TMCC1: variants seen among roughly 807,000 people sequenced by gnomAD.
TMCC1 encodes the protein transmembrane and coiled-coil domains protein 1.
TMCC1 carries 15 observed loss-of-function variants against 52.4 expected under a neutral mutation model. The observed-to-expected ratio is 0.29, with a 90% CI of 0.19 to 0.44. The LOEUF (loss-of-function observed/expected upper bound fraction) is 0.44. Ranked by LOEUF, TMCC1 falls within the 20% of genes least tolerant of loss-of-function variation. The pLI is 1.00. For synonymous variants in TMCC1, 279 were observed against 301.9 expected (o/e 0.92, Z 0.79); for missense variants, 503 against 806.0 (o/e 0.62, Z 4.55).
At chr3:129,701,829 A>AAAGC (rs1459282352) in intron 4 of TMCC1, among the ~76,000 whole-genome samples, 4 of 152,200 alleles carry the variant, frequency 2.6e-5, no homozygotes, top group African/African-American at 9.6e-5. Context: ...AACATCATAT[A>AAAGC]AAGCCATGAT....
In TMCC1 at chr3:129,817,482, A is replaced by G. The variant is rs1560480168; in HGVS notation, c.576+10321T>C. On this transcript the variant is annotated intron_variant, in intron 4 of 6. Coordinates refer to ENST00000393238, the MANE Select transcript of TMCC1 (RefSeq NM_001017395.5). ...AATAATATCTGTGAACTTTAAGATC[A>G]TGAAATTACCAAATCAAAAAATCTG... 3.3e-5 allele frequency among the ~76,000 whole-genome samples: 5 copies of G among 152,190 alleles called. No homozygotes were observed. In the South Asian group the frequency reaches 1.0e-3, roughly 32 times the overall value.
At chr3:129,785,894 T>C (rs2055981942) in intron 4 of TMCC1, among the ~76,000 whole-genome samples, 1 of 151,856 alleles carries the variant, frequency 6.6e-6, no homozygotes, top group African/African-American at 2.4e-5. Flanking sequence ...GAAGATTAGA[T>C]TTTGAAAGGA....
At chr3:129,654,184 T>C (rs1386951582) in intron 6 of TMCC1, among the ~76,000 whole-genome samples, 1 of 152,254 alleles carries the variant, frequency 6.6e-6, no homozygotes, top group Non-Finnish European at 1.5e-5. Flanking sequence ...TTTCTGGTCC[T>C]GGTTTCCTGG....
At chr3:129,702,568 T>C (rs564809832) in intron 4 of TMCC1, among the ~76,000 whole-genome samples, 3 of 152,338 alleles carry the variant, frequency 2.0e-5, no homozygotes, top group Non-Finnish European at 4.4e-5. Flanking sequence ...TCAGGCTGAA[T>C]GCCATGAATG....
At chr3:129,887,833 G>C (rs1037285732) in intron 1 of TMCC1, among the ~76,000 whole-genome samples, 18 of 152,088 alleles carry the variant, frequency 1.2e-4, no homozygotes, top group Non-Finnish European at 1.6e-4. Context: ...TAAAATACTA[G>C]AAGCTGTCAA....
intron 4 of TMCC1, among the ~76,000 whole-genome samples, chr3:129,794,704 T>A (rs2056703898): frequency 6.6e-6 from 1 of 151,996 alleles, no homozygotes. Flanking sequence ...GCTGTGGTGC[T>A]ACCTGAAACT....
chr3:129,680,214 TAGAC>T (rs775065615), intron 4 of TMCC1, among the ~76,000 whole-genome samples: 41 of 152,210 alleles, frequency 2.7e-4, no homozygotes, highest in Non-Finnish European at 4.3e-4. Context: ...ACTCCTTAGA[TAGAC>T]AGACATTTTC....
At chr3:129,801,739 C>A (rs1207033141) in intron 4 of TMCC1, among the ~76,000 whole-genome samples, 1 of 152,170 alleles carries the variant, frequency 6.6e-6, no homozygotes, top group Non-Finnish European at 1.5e-5. Flanking sequence ...CCGGCCCATG[C>A]CTGTTTTTGC....
chr3:129,842,008 A>G (rs1218834375), intron 2 of TMCC1, among the ~76,000 whole-genome samples: 1 of 152,238 alleles, frequency 6.6e-6, no homozygotes, highest in African/African-American at 2.4e-5. Flanking sequence ...GTATTATAAT[A>G]GGGTCAGTTC....
chr3:129,823,841 A>C (rs2058538070), intron 4 of TMCC1, among the ~76,000 whole-genome samples: 1 of 152,236 alleles, frequency 6.6e-6, no homozygotes, highest in African/African-American at 2.4e-5. Flanking sequence ...AAAGTACCCA[A>C]ATCTCTGATG....
chr3:129,695,782 A>G (rs1279300993), intron 4 of TMCC1, among the ~76,000 whole-genome samples: 1 of 152,128 alleles, frequency 6.6e-6, no homozygotes, highest in East Asian at 1.9e-4. Flanking sequence ...CTCACATTTC[A>G]AAACCAATCA....
chr3:129,815,129 A>G (rs1341759047), intron 4 of TMCC1, among the ~76,000 whole-genome samples: 4 of 152,160 alleles, frequency 2.6e-5, no homozygotes, highest in African/African-American at 9.7e-5. Flanking sequence ...ACAAGGGAAC[A>G]TTCTCCAGAA....
At position 129,828,051 on chromosome 3, in the gene TMCC1, G is replaced by C. The variant is rs1407360431; in HGVS notation, c.328C>G (p.Arg110Gly). The C allele has an allele frequency of 3.1e-6, 5 of 1,614,142 alleles. No individual in the cohort carries two copies. Among genetic ancestry groups the C allele is most frequent in the Non-Finnish European group, 3.4e-6 (4 of 1,180,012 alleles). The change falls in exon 4 of 7, where the codon CGA becomes GGA. Residue 110 changes from arginine to glycine, a missense_variant. This residue lies in a region of TMCC1 where 217 missense variants were observed against 297.9 expected (regional missense o/e 0.73). Transcript: ENST00000393238. This position sits in a 1 kb window ranked among gnomAD's most constrained non-coding sequence, Gnocchi z 4.1. ...TALNRVLQQI[R>G]VPPKMKRGTS... is the part of the protein sequence containing the mutation. ...CCTCTCTTCATCTTGGGTGGCACTC[G>C]AATCTGCTGCAGGACACGATTCAGA...
At chr3:129,846,890 A>C (rs79061683) in intron 2 of TMCC1, among the ~76,000 whole-genome samples, 2 of 150,296 alleles carry the variant, frequency 1.3e-5, no homozygotes, top group Admixed American at 6.6e-5. Context: ...AAAAAAAAAA[A>C]AAAAGGGCAG....
intron 4 of TMCC1, among the ~76,000 whole-genome samples, chr3:129,765,473 C>T (rs2054050570): frequency 6.6e-6 from 1 of 152,042 alleles, no homozygotes; most frequent in South Asian, 2.1e-4. Context: ...ATAGTCTTTA[C>T]CATAGTTTCC....
At chr3:129,711,720 G>A (rs2048695372) in intron 4 of TMCC1, among the ~76,000 whole-genome samples, 1 of 151,154 alleles carries the variant, frequency 6.6e-6, no homozygotes, top group Admixed American at 6.6e-5. Context: ...GCCAGGTGCG[G>A]TGGCTCACAC....
At chr3:129,773,971 AT>A (rs2054819886) in intron 4 of TMCC1, among the ~76,000 whole-genome samples, 1 of 152,214 alleles carries the variant, frequency 6.6e-6, no homozygotes, top group African/African-American at 2.4e-5. Flanking sequence ...AAATTATTAT[AT>A]TGTATACCTT....
intron 4 of TMCC1, among the ~76,000 whole-genome samples, chr3:129,765,949 C>T (rs894873909): frequency 6.6e-6 from 1 of 152,030 alleles, no homozygotes; most frequent in Non-Finnish European, 1.5e-5. Context: ...CACCTACATA[C>T]AATATTTTGG....
intron 2 of TMCC1, among the ~76,000 whole-genome samples, chr3:129,851,030 A>C (rs187698082): frequency 1.3e-5 from 2 of 152,242 alleles, no homozygotes; most frequent in African/African-American, 4.8e-5. Flanking sequence ...GGCCATCATG[A>C]ACATGTCACA....
Sources: gnomAD v4.1 joint callset for allele counts (sites outside exome capture counted in the v4.1 genomes callset) on GRCh38, gnomAD v4.1.1 for gene constraint, gnomAD v4.1.1 regional missense constraint, Gnocchi (gnomAD v3.1) non-coding constraint, MANE v1.5 for transcripts, NCBI Gene and HGNC (gene_info 2026-07-23, HGNC 2026-07-21) for gene names.